ABCC9: variants seen among roughly 807,000 people sequenced by gnomAD.
ABCC9 encodes ATP binding cassette subfamily C member 9.
Under a neutral mutation model 188.3 loss-of-function variants are expected in ABCC9, and 95 were observed. That is an observed-to-expected ratio of 0.50 (90% CI 0.43 to 0.60). ABCC9 has a LOEUF of 0.60. Ranked by LOEUF, ABCC9 falls within the 20% of genes least tolerant of loss-of-function variation. The probability of loss-of-function intolerance (pLI) is 0.00; values close to 1 mark genes in which losing one functional copy is unlikely to be tolerated. For synonymous variants in ABCC9, 659 were observed against 652.7 expected, an observed-to-expected ratio of 1.01 and a Z score of -0.15; for missense variants, 1,102 against 1,876.3, an observed-to-expected ratio of 0.59 and a Z score of 7.62.
At chr12:21,838,292 C>T (rs1408256987) in intron 29 of ABCC9, 122 bp from the exon 30 acceptor site, 3 of 779,206 alleles carry the variant, frequency 3.9e-6, no homozygotes, top group Non-Finnish European at 6.6e-6. Flanking sequence ...AATTTTTTCC[C>T]CTAGCACTCA....
chr12:21,823,842 G>A (rs1056776500), intron 31 of ABCC9, among the ~76,000 whole-genome samples: 4 of 152,216 alleles, frequency 2.6e-5, no homozygotes, highest in African/African-American at 9.7e-5. Flanking sequence ...GGCACCCAGA[G>A]GAAAAACAGT....
intron 36 of ABCC9, 54 bp from the exon 37 acceptor site, chr12:21,810,009 T>C: frequency 1.8e-6 from 2 of 1,107,682 alleles, no homozygotes; most frequent in Non-Finnish European, 1.4e-6. Flanking sequence ...GAAACTTTTA[T>C]GTATATTTGC....
At chr12:21,807,280 T>A in intron 38 of ABCC9, 66 bp downstream of exon 38, 1 of 1,607,816 alleles carries the variant, frequency 6.2e-7, no homozygotes. Flanking sequence ...CAGGAAATAA[T>A]AAATTGTAAT....
At chr12:21,851,749 A>T (rs577686167) in intron 24 of ABCC9, among the ~76,000 whole-genome samples, 24 of 152,106 alleles carry the variant, frequency 1.6e-4, no homozygotes, top group Non-Finnish European at 3.2e-4. Flanking sequence ...ACTTTTATAG[A>T]TGAGAAAAAT....
At chr12:21,882,070 C>G (rs550286378) in intron 16 of ABCC9, among the ~76,000 whole-genome samples, 6 of 152,206 alleles carry the variant, frequency 3.9e-5, no homozygotes, top group South Asian at 2.1e-4. Context: ...ACTATAAACC[C>G]CATACTGAGC....
chr12:21,800,358 TC>T lies in ABCC9; in HGVS notation c.*685del, dbSNP rs1421913697. On this transcript the variant is annotated 3_prime_UTR_variant, in exon 40 of 40. Coordinates refer to ENST00000261200, the MANE Select transcript of ABCC9 (RefSeq NM_020297.4). ...AAAGGTACATACATTATGCCTGATA[TC>T]TTAAGAATTCTCTCTTTACAGGACA... 5 of 152,258 alleles carry T rather than the reference TC, an allele frequency of 3.3e-5. No homozygotes were observed. Among genetic ancestry groups the T allele is most frequent in the Admixed American group, 3.3e-4 (5 of 15,276 alleles). 9.4% of individuals were successfully genotyped at this position (152,258 alleles called of 1,614,324 possible).
At chr12:21,847,592 G>A (rs1944743402) in intron 25 of ABCC9, among the ~76,000 whole-genome samples, 1 of 152,070 alleles carries the variant, frequency 6.6e-6, no homozygotes, top group Non-Finnish European at 1.5e-5. Context: ...TGTCAAAGCA[G>A]TGTAATTATT....
At chr12:21,910,722 A>G in intron 9 of ABCC9, 104 bp downstream of exon 9, 1 of 1,036,136 alleles carries the variant, frequency 9.7e-7, no homozygotes, top group East Asian at 2.4e-5. Context: ...TAATACCAAA[A>G]TGAAAATGGA....
intron 31 of ABCC9, among the ~76,000 whole-genome samples, chr12:21,819,517 A>G (rs1314536264): frequency 6.6e-6 from 1 of 152,220 alleles, no homozygotes; most frequent in East Asian, 1.9e-4. Context: ...CTGGGTTCAG[A>G]CACTGACCTT....
chr12:21,875,645 A>C lies in ABCC9; in HGVS notation c.2092+9T>G. 6.3e-7 allele frequency: 1 copy of C among 1,596,646 alleles called. No homozygotes were observed. The highest frequency in any genetic ancestry group is 8.6e-7 in the Non-Finnish European group (1 of 1,164,304). ...ACAATTACAAAAATGCATAACAGAT[A>C]ACTCTTACCTGTTGGAATTCGAATA... On this transcript the variant is annotated intron_variant, in intron 17 of 39. Coordinates refer to ENST00000261200, the MANE Select transcript of ABCC9 (RefSeq NM_020297.4).
At chr12:21,878,758 T>C (rs1259099371) in intron 16 of ABCC9, among the ~76,000 whole-genome samples, 1 of 138,412 alleles carries the variant, frequency 7.2e-6, no homozygotes, top group African/African-American at 2.5e-5. Flanking sequence ...TGTCACCTTC[T>C]GATTTGGTGC....
chr12:21,872,167 A>G lies in ABCC9; in HGVS notation c.2198+458T>C, dbSNP rs550050955. Among the ~76,000 whole-genome samples the G allele has an allele frequency of 5.9e-5, 9 of 152,338 alleles. No individual in the cohort carries two copies. The South Asian group carries it at 1.9e-3, about 32-fold the overall frequency. On this transcript the variant is annotated intron_variant, in intron 18 of 39. Coordinates refer to ENST00000261200, the MANE Select transcript of ABCC9 (RefSeq NM_020297.4). ...GACGCTTCTAGTATCTAGTTTAAGT[A>G]TAAGGATAAATAGTTGATTTTCACT...
chr12:21,897,840 CCT>C (rs1486404079), intron 12 of ABCC9, among the ~76,000 whole-genome samples: 1 of 107,926 alleles, frequency 9.3e-6, no homozygotes, highest in East Asian at 2.8e-4. Flanking sequence ...CCTCCTCTAC[CCT>C]CTCTCTTCTT....
In ABCC9 at chr12:21,799,735, C is replaced by A. The variant is rs1941342715; in HGVS notation, c.*1309G>T. The A allele has an allele frequency of 6.6e-6, 1 of 152,146 alleles. No individual in the cohort carries two copies. Among genetic ancestry groups the A allele is most frequent in the African/African-American group, 2.4e-5 (1 of 41,422 alleles). 9.4% of individuals were successfully genotyped at this position (152,146 alleles called of 1,614,324 possible). A position where few individuals can be genotyped will look rare whatever the true frequency, so the allele number is the denominator to read the frequency against. ...AATTCATCAATTTTATATATCTTCA[C>A]AATCTTACAATGCATGTGGATCTTC... is the stretch of plus-strand genomic sequence containing the variant. On this transcript the variant is annotated 3_prime_UTR_variant, in exon 40 of 40. Transcript: ENST00000261200.
chr12:21,937,519 G>T (rs1043533652), intron 2 of ABCC9, among the ~76,000 whole-genome samples: 9 of 152,138 alleles, frequency 5.9e-5, no homozygotes, highest in African/African-American at 2.2e-4. Context: ...TTCCGGGGCA[G>T]AGGAGTGACG....
At position 21,926,033 on chromosome 12, in the gene ABCC9, A is replaced by G; in HGVS notation, c.315T>C (p.Phe105=). 6.2e-7 allele frequency: 1 copy of G among 1,614,146 alleles called. No homozygotes were observed. Among genetic ancestry groups the G allele is most frequent in the Non-Finnish European group, 8.5e-7 (1 of 1,180,010 alleles). The change falls in exon 5 of 40, where the codon TTT becomes TTC. Residue 105 remains phenylalanine (F), a synonymous_variant. Coordinates refer to ENST00000261200, the MANE Select transcript of ABCC9 (RefSeq NM_020297.4). ...SRRESRHLHL[F]MPAVMGFVAT... is the part of the protein sequence containing the mutation. Reference sequence around the variant, plus strand: ...CAACGAATCCCATCACGGCTGGCATAAAGAGGTGGAGGTGCCTTGATTCCC... The same window carrying G: ...CAACGAATCCCATCACGGCTGGCATGAAGAGGTGGAGGTGCCTTGATTCCC...
intron 32 of ABCC9, among the ~76,000 whole-genome samples, 154 bp downstream of exon 32, chr12:21,817,996 A>C (rs552373963): frequency 1.3e-5 from 2 of 151,502 alleles, no homozygotes; most frequent in African/African-American, 4.9e-5. Flanking sequence ...CCCACCCTCT[A>C]AGTTCCCTCC....
chr12:21,838,195 A>G (rs1944200819), intron 29 of ABCC9, 25 bp from the exon 30 acceptor site: 9 of 1,462,660 alleles, frequency 6.2e-6, no homozygotes, highest in Non-Finnish European at 8.6e-6. Flanking sequence ...GGCAAAAATA[A>G]ACTTCATGTG....
chr12:21,868,159 G>A (rs896090706), intron 18 of ABCC9, among the ~76,000 whole-genome samples: 2 of 152,126 alleles, frequency 1.3e-5, no homozygotes, highest in Non-Finnish European at 2.9e-5. Context: ...TGTCAGACTA[G>A]GTCAAAGGAA....
Sources: allele counts gnomAD v4.1 joint callset (sites outside exome capture counted in the v4.1 genomes callset), GRCh38; gene constraint gnomAD v4.1.1; transcripts MANE v1.5; gene names NCBI Gene and HGNC (gene_info 2026-07-23, HGNC 2026-07-21).